ARID1A: variants seen among roughly 807,000 people sequenced by gnomAD.
ARID1A encodes the protein AT-rich interactive domain-containing protein 1A.
In ARID1A, 20 loss-of-function variants were observed where a neutral mutation model predicts 212.6. The observed-to-expected ratio is 0.09, with a 90% CI of 0.07 to 0.14. The LOEUF is 0.14. Among genes scored for constraint, ARID1A ranks in the 10% least tolerant of loss-of-function variants. ARID1A has a pLI of 1.00. For missense variants in ARID1A, 2,587 were observed against 3,059.0 expected (o/e 0.85, Z 3.64); for synonymous variants, 1,376 against 1,222.1 (o/e 1.13, Z -2.63).
chr1:26,749,845 T>C (rs1247128573), intron 4 of ARID1A, among the ~76,000 whole-genome samples: 1 of 152,200 alleles, frequency 6.6e-6, no homozygotes, highest in Non-Finnish European at 1.5e-5. Context: ...ATTCTCTTGA[T>C]ACCAGCACCC....
chr1:26,710,673 C>G (rs1020437042), intron 1 of ARID1A, among the ~76,000 whole-genome samples: 2 of 152,068 alleles, frequency 1.3e-5, no homozygotes, highest in African/African-American at 2.4e-5. Context: ...TCAATATGTT[C>G]TAACAAGTCC....
chr1:26,715,381 T>C (rs1050460835), intron 1 of ARID1A, among the ~76,000 whole-genome samples: 1 of 152,142 alleles, frequency 6.6e-6, no homozygotes, highest in Non-Finnish European at 1.5e-5. Flanking sequence ...TGGTAGGTAA[T>C]GATAAGTAGG....
chr1:26,772,042 G>A (rs2081087035), intron 12 of ARID1A: 1 of 172,046 alleles, frequency 5.8e-6, no homozygotes, highest in Non-Finnish European at 1.3e-5. Context: ...ATTTGAAGTT[G>A]AGGAGTGACA....
chr1:26,780,210 C>T lies in ARID1A; in HGVS notation c.6312C>T (p.Ser2104=), dbSNP rs2124147823. Residue 2104 remains serine (S), a synonymous_variant, in exon 20 of 20, where the codon TCC becomes TCT. Coordinates refer to ENST00000324856, the MANE Select transcript of ARID1A (RefSeq NM_006015.6). This position sits in a 1 kb window ranked among gnomAD's most constrained non-coding sequence, Gnocchi z 7.2. ...CPSAEAQDPF[S]TLGPNAVLSP... is the part of the protein sequence containing the mutation. ...CAGCTGAAGCCCAGGACCCCTTTTCCACCCTGGGCCCCAATGCCGTCCTTT... is the reference window on the plus strand; with the variant it reads ...CAGCTGAAGCCCAGGACCCCTTTTCTACCCTGGGCCCCAATGCCGTCCTTT... 6.2e-7 allele frequency: 1 copy of T among 1,614,190 alleles called. No homozygotes were observed. Among genetic ancestry groups the T allele is most frequent in the Admixed American group, 1.7e-5 (1 of 60,030 alleles).
intron 4 of ARID1A, among the ~76,000 whole-genome samples, chr1:26,739,989 T>TAAAAAAA (rs576941187): frequency 2.4e-5 from 3 of 127,474 alleles, no homozygotes; most frequent in African/African-American, 5.8e-5. Context: ...GTGATCATCT[T>TAAAAAAA]AAAAAAAAAA....
chr1:26,738,141 A>G (rs1358175649), intron 4 of ARID1A, among the ~76,000 whole-genome samples: 1 of 151,192 alleles, frequency 6.6e-6, no homozygotes, highest in Non-Finnish European at 1.5e-5. Flanking sequence ...CTCCTGCCTC[A>G]GCCTCCCAGG....
intron 4 of ARID1A, among the ~76,000 whole-genome samples, chr1:26,733,586 C>A (rs915564918): frequency 6.6e-6 from 1 of 152,220 alleles, no homozygotes; most frequent in African/African-American, 2.4e-5. Flanking sequence ...TAACACCATA[C>A]TAGGTGGTTG....
Position 26,725,671 on chromosome 1 carries a change from T to G in ARID1A, c.1138-3980T>G, listed in dbSNP as rs556557910. ...CATTTATTTTTGGTCTACAAAGATTTCCTAAAGTTGAGGTGGGACATTCCT... is the reference window on the plus strand; with the variant it reads ...CATTTATTTTTGGTCTACAAAGATTGCCTAAAGTTGAGGTGGGACATTCCT... On this transcript the variant is annotated intron_variant, in intron 1 of 19. Transcript: ENST00000324856. Among the ~76,000 whole-genome samples the G allele has an allele frequency of 8.5e-5, 13 of 152,274 alleles. No homozygotes were observed. The South Asian group carries it at 2.7e-3, about 32-fold the overall frequency.
chr1:26,718,965 A>G (rs2080531527), intron 1 of ARID1A, among the ~76,000 whole-genome samples: 2 of 152,328 alleles, frequency 1.3e-5, no homozygotes, highest in South Asian at 4.1e-4. Context: ...ATCTTATTGT[A>G]TGTAATGTTT....
At position 26,740,355 on chromosome 1, in the gene ARID1A, A is replaced by C. The variant is rs571956923; in HGVS notation, c.1920+7563A>C. On this transcript the variant is annotated intron_variant, in intron 4 of 19. Transcript: ENST00000324856. ...AGAAGACCATGTGCCTGTATGTTAT[A>C]ATGAGTGCTGTCAGAGTTTGGTGAA... Among the ~76,000 whole-genome samples the C allele has an allele frequency of 1.1e-3, 166 of 152,328 alleles. 1 individual carries two copies. The highest frequency in any genetic ancestry group is 8.6e-3 in the Admixed American group (132 of 15,294).
intron 9 of ARID1A, 44 bp from the exon 10 acceptor site, chr1:26,766,413 A>T (rs2124080936): frequency 6.2e-7 from 1 of 1,613,892 alleles, no homozygotes; most frequent in Non-Finnish European, 8.5e-7. Flanking sequence ...GAGTCACATC[A>T]CAGCTAAACT....
intron 1 of ARID1A, among the ~76,000 whole-genome samples, chr1:26,725,659 T>G (rs1005974395): frequency 6.6e-6 from 1 of 152,166 alleles, no homozygotes; most frequent in Non-Finnish European, 1.5e-5. Context: ...TTATTTTTGG[T>G]CTACAAAGAT....
intron 4 of ARID1A, among the ~76,000 whole-genome samples, chr1:26,748,763 A>G (rs1175711673): frequency 1.3e-5 from 2 of 152,022 alleles, no homozygotes; most frequent in African/African-American, 4.8e-5. Flanking sequence ...ATGGTATTAT[A>G]CAGGCCTGAT....
intron 4 of ARID1A, among the ~76,000 whole-genome samples, chr1:26,743,133 C>A (rs1396225242): frequency 6.6e-6 from 1 of 152,126 alleles, no homozygotes; most frequent in African/African-American, 2.4e-5. Context: ...CAGTTCAGAA[C>A]CCATAGTGGA....
intron 2 of ARID1A, among the ~76,000 whole-genome samples, chr1:26,730,845 G>A (rs991872931): frequency 3.3e-5 from 5 of 152,160 alleles, no homozygotes; most frequent in African/African-American, 1.2e-4. Context: ...TCTAGGCCGT[G>A]ATAAAAAGAG....
At chr1:26,722,289 A>AGG (rs1428351254) in intron 1 of ARID1A, among the ~76,000 whole-genome samples, 1 of 152,184 alleles carries the variant, frequency 6.6e-6, no homozygotes. Context: ...TCTGTCACCC[A>AGG]GGCTGGAGTG....
rs2124127132 is a variant in ARID1A, at chr1:26,775,686, C to G, written c.5103C>G (p.Ile1701Met). The G allele has an allele frequency of 1.2e-6, 2 of 1,614,214 alleles. No homozygotes were observed. Among genetic ancestry groups the G allele is most frequent in the Non-Finnish European group, 1.7e-6 (2 of 1,180,038 alleles). Residue 1701 changes from isoleucine to methionine, a missense_variant, in exon 19 of 20, where the codon ATC (isoleucine) becomes ATG (methionine). Physicochemically the swap from Ile to Met is conservative, Grantham distance 10. Coordinates refer to ENST00000324856, the MANE Select transcript of ARID1A (RefSeq NM_006015.6). ...TCCTGCTGTATGATGACAACAGCAT[C>G]ATGACCTTCAACCTCAGTCAGGTGA... Reference protein sequence around the residue: ...INILLYDDNSIMTFNLSQLPG... With the variant: ...INILLYDDNSMMTFNLSQLPG...
intron 3 of ARID1A, 127 bp from the exon 4 acceptor site, chr1:26,732,546 CATA>C: frequency 1.5e-6 from 1 of 682,770 alleles, no homozygotes; most frequent in South Asian, 1.8e-5. Flanking sequence ...CTGGCCTTCA[CATA>C]ATACTTTTCG....
chr1:26,729,504 A>AGGT, intron 1 of ARID1A, 147 bp from the exon 2 acceptor site: 1 of 862,014 alleles, frequency 1.2e-6, no homozygotes, highest in Non-Finnish European at 1.8e-6. Context: ...GTTGACTTAA[A>AGGT]GGTTACTAGG....
Sources: gnomAD v4.1 joint callset for allele counts (sites outside exome capture counted in the v4.1 genomes callset) on GRCh38, gnomAD v4.1.1 for gene constraint, Gnocchi (gnomAD v3.1) non-coding constraint, MANE v1.5 for transcripts, NCBI Gene and HGNC (gene_info 2026-07-23, HGNC 2026-07-21) for gene names.